The following USP15 variants were observed in gnomAD, a reference collection of about 807,000 sequenced individuals.
USP15 encodes ubiquitin carboxyl-terminal hydrolase 15.
A neutral mutation model predicts 127.1 loss-of-function variants in USP15; 18 were observed. That is an observed-to-expected ratio of 0.14 (90% CI 0.10 to 0.21). The LOEUF (loss-of-function observed/expected upper bound fraction) is 0.21. Among genes scored for constraint, USP15 ranks in the 10% least tolerant of loss-of-function variants. USP15 has a pLI of 1.00. For synonymous variants in USP15, 364 were observed against 393.7 expected, an observed-to-expected ratio of 0.92 and a Z score of 0.89; for missense variants, 805 against 1,159.9, an observed-to-expected ratio of 0.69 and a Z score of 4.44.
chr12:62,412,301 G>C lies in USP15; in HGVS notation c.*7926G>C, dbSNP rs1363961247. The C allele has an allele frequency of 6.6e-6, 1 of 152,168 alleles. No individual in the cohort carries two copies. Among genetic ancestry groups the C allele is most frequent in the Non-Finnish European group, 1.5e-5 (1 of 68,038 alleles). The allele number at this position is 152,168 out of a possible 1,614,324, so 9.4% of individuals were successfully genotyped here. A position where few individuals can be genotyped will look rare whatever the true frequency, so the allele number is the denominator to read the frequency against. On this transcript the variant is annotated 3_prime_UTR_variant, in exon 22 of 22. Coordinates refer to ENST00000280377, the MANE Select transcript of USP15 (RefSeq NM_001252078.2). ...CTGATGGACAGTCTTGCCTCATTTT[G>C]ATAGATACTCACCAGGATGGTGGTT...
chr12:62,270,590 G>A (rs574767149), intron 1 of USP15, among the ~76,000 whole-genome samples: 1 of 152,036 alleles, frequency 6.6e-6, no homozygotes, highest in Non-Finnish European at 1.5e-5. Context: ...TGGTTATCCA[G>A]TTGTCCCAAA....
intron 6 of USP15, among the ~76,000 whole-genome samples, chr12:62,333,855 A>G (rs2065375881): frequency 6.6e-6 from 1 of 152,164 alleles, no homozygotes; most frequent in Middle Eastern, 3.2e-3. Context: ...TGTAGAGACA[A>G]CATACCAAAA....
chr12:62,300,869 A>C (rs967160383), intron 2 of USP15, among the ~76,000 whole-genome samples: 6 of 152,190 alleles, frequency 3.9e-5, no homozygotes, highest in Non-Finnish European at 8.8e-5. Context: ...GGTTGCTAAA[A>C]GAAAAAATGT....
At chr12:62,309,524 C>A (rs2064593402) in intron 3 of USP15, among the ~76,000 whole-genome samples, 1 of 151,950 alleles carries the variant, frequency 6.6e-6, no homozygotes, top group Non-Finnish European at 1.5e-5. Context: ...CAGATTCTTT[C>A]TGAGAATAGA....
intron 1 of USP15, among the ~76,000 whole-genome samples, chr12:62,260,756 C>A (rs894845865): frequency 1.3e-5 from 2 of 152,258 alleles, no homozygotes; most frequent in Admixed American, 6.5e-5. Context: ...CTGACTCGTG[C>A]GGTTCTCTTC....
chr12:62,386,654 T>C (rs566424501), intron 11 of USP15, among the ~76,000 whole-genome samples: 19 of 152,164 alleles, frequency 1.2e-4, no homozygotes, highest in African/African-American at 3.9e-4. Context: ...TAATCTACAG[T>C]AGTTAATATG....
At position 62,302,738 on chromosome 12, in the gene USP15, G is replaced by A. The variant is rs1480254610; in HGVS notation, c.218-52G>A. 2.6e-6 allele frequency: 4 copies of A among 1,551,356 alleles called. No individual in the cohort carries two copies. The African/African-American group carries it at 5.5e-5, about 21-fold the overall frequency. ...CCTTCATGAGTTTAATTTGTAATGT[G>A]TCCAAACAAAGTATTTAGAGTTAGG... On this transcript the variant is annotated intron_variant, in intron 2 of 21. Transcript: ENST00000280377.
At chr12:62,394,437 A>G (rs763409994) in intron 19 of USP15, among the ~76,000 whole-genome samples, 7 of 152,256 alleles carry the variant, frequency 4.6e-5, no homozygotes, top group Admixed American at 6.5e-5. Context: ...ATTGGTGGCT[A>G]TAAATTTAAA....
At chr12:62,389,399 A>G (rs1001747713) in intron 11 of USP15, 32 bp from the exon 12 acceptor site, 18 of 1,576,692 alleles carry the variant, frequency 1.1e-5, no homozygotes, top group Non-Finnish European at 1.5e-5. Context: ...TTCCAAAATA[A>G]TAAATTCATT....
At chr12:62,312,609 A>G (rs977923293) in intron 3 of USP15, among the ~76,000 whole-genome samples, 1 of 151,652 alleles carries the variant, frequency 6.6e-6, no homozygotes, top group African/African-American at 2.4e-5. Flanking sequence ...ATGGTAATAT[A>G]ACAGTGTTAT....
chr12:62,385,410 A>T (rs192038541), intron 11 of USP15, among the ~76,000 whole-genome samples: 1 of 151,998 alleles, frequency 6.6e-6, no homozygotes, highest in East Asian at 1.9e-4. Flanking sequence ...TTTATTGTCA[A>T]CAAAGACAGG....
At chr12:62,320,094 T>TA (rs2064943006) in intron 4 of USP15, among the ~76,000 whole-genome samples, 1 of 151,822 alleles carries the variant, frequency 6.6e-6, no homozygotes, top group Non-Finnish European at 1.5e-5. Flanking sequence ...AAGAAAAAAA[T>TA]ACAACCCTGC....
chr12:62,401,265 A>T lies in USP15; in HGVS notation c.2753A>T (p.Asp918Val). 1 of 1,611,274 alleles carries T rather than the reference A, an allele frequency of 6.2e-7. No homozygotes were observed. The highest frequency in any genetic ancestry group is 1.1e-5 in the South Asian group (1 of 90,918). ...DDSSVSTASE[D>V]QIVSKAAYVL... ...AGTAGTGTCTCCACTGCATCTGAAGACCAAATTGTGGTAAGTTTGTCTTAT... is the reference window on the plus strand; with the variant it reads ...AGTAGTGTCTCCACTGCATCTGAAGTCCAAATTGTGGTAAGTTTGTCTTAT... Residue 918 changes from aspartate (D) to valine (V), a missense_variant, in exon 21 of 22, where the codon GAC becomes GTC. By Grantham distance (152) the Asp-to-Val change is radical. This residue lies in a region of USP15 where 116 missense variants were observed against 157.2 expected (regional missense o/e 0.74). Transcript: ENST00000280377.
At chr12:62,335,468 A>ACC in intron 6 of USP15, 1 of 1,305,464 alleles carries the variant, frequency 7.7e-7, no homozygotes, top group Non-Finnish European at 9.7e-7. Flanking sequence ...CTATTTAAGG[A>ACC]CAGTCCCTCT....
intron 6 of USP15, chr12:62,336,483 A>G: frequency 1.0e-6 from 1 of 985,372 alleles, no homozygotes. Flanking sequence ...GAAGTTTTCA[A>G]ACAGTACCCC....
intron 5 of USP15, among the ~76,000 whole-genome samples, chr12:62,322,505 T>A (rs2065011730): frequency 7.0e-6 from 1 of 142,304 alleles, no homozygotes; most frequent in African/African-American, 2.8e-5. Context: ...ACTGATTCTA[T>A]CTTCTAACTG....
chr12:62,332,426 G>T (rs1189878978), intron 6 of USP15, among the ~76,000 whole-genome samples: 1 of 151,548 alleles, frequency 6.6e-6, no homozygotes, highest in Non-Finnish European at 1.5e-5. Context: ...TTTTAAGGAT[G>T]TTAGCATTGG....
intron 6 of USP15, among the ~76,000 whole-genome samples, chr12:62,328,969 G>A (rs1049808399): frequency 2.0e-5 from 3 of 151,560 alleles, no homozygotes; most frequent in African/African-American, 7.3e-5. Flanking sequence ...TGGCTATTTG[G>A]AAAAAAAAGC....
intron 20 of USP15, among the ~76,000 whole-genome samples, chr12:62,397,872 A>G (rs532688307): frequency 6.6e-6 from 1 of 151,822 alleles, no homozygotes; most frequent in Non-Finnish European, 1.5e-5. Flanking sequence ...AAAAAAAAGT[A>G]TCAGTCTTCC....
Sources: gnomAD v4.1 joint callset for allele counts (sites outside exome capture counted in the v4.1 genomes callset) on GRCh38, gnomAD v4.1.1 for gene constraint, gnomAD v4.1.1 regional missense constraint, MANE v1.5 for transcripts, NCBI Gene and HGNC (gene_info 2026-07-23, HGNC 2026-07-21) for gene names.